Variants in APOC1 observed in about 807,000 individuals in gnomAD.
APOC1 encodes apolipoprotein C1, also known as apolipoprotein C-I.
A neutral mutation model predicts 6.7 loss-of-function variants in APOC1; 4 were observed. That is an observed-to-expected ratio of 0.60 (90% CI 0.29 to 1.37). The LOEUF is 1.37. Among genes scored for constraint, APOC1 ranks in the 40% most tolerant of loss-of-function variants. The pLI, the probability that APOC1 is intolerant of heterozygous loss-of-function variation, is 0.09. For synonymous variants in APOC1, 33 were observed against 40.6 expected (o/e 0.81, Z 0.72); for missense variants, 122 against 99.4 (o/e 1.23, Z -0.97).
chr19:44,915,173 A>C (rs1177149126), intron 2 of APOC1: 1 of 587,086 alleles, frequency 1.7e-6, no homozygotes, highest in East Asian at 2.9e-5. Context: ...ATTGAGGCCC[A>C]CACCTCTGGG....
Position 44,919,310 on chromosome 19 carries a change from T to G in APOC1, c.*80T>G. ...GCCTGTGCTGAGGACTCCCTCCATG[T>G]GGCCCCAGGTGCCACCAATAAAAAT... On this transcript the variant is annotated 3_prime_UTR_variant, in exon 4 of 4. Transcript: ENST00000592535. 2 of 1,225,166 alleles carry G rather than the reference T, an allele frequency of 1.6e-6. No homozygotes were observed. Among genetic ancestry groups the G allele is most frequent in the Non-Finnish European group, 2.4e-6 (2 of 838,438 alleles). The allele number at this position is 1,225,166 out of a possible 1,614,324, so 75.9% of individuals were successfully genotyped here. A position where few individuals can be genotyped will look rare whatever the true frequency, so the allele number is the denominator to read the frequency against.
intron 1 of APOC1, 63 bp downstream of exon 1, chr19:44,914,796 A>G: frequency 7.8e-7 from 1 of 1,274,352 alleles, no homozygotes. Flanking sequence ...AAAAAGGGAG[A>G]TGAGGGGATC....
chr19:44,914,604 A>C (rs1354483454), upstream of APOC1: 1 of 443,202 alleles, frequency 2.3e-6, no homozygotes, highest in Non-Finnish European at 4.1e-6. Context: ...GGACAGAGGG[A>C]GGCAGGCGGT....
chr19:44,916,069 G>T (rs576179024), intron 2 of APOC1, 121 bp from the exon 3 acceptor site: 34 of 1,165,346 alleles, frequency 2.9e-5, no homozygotes, highest in Non-Finnish European at 3.9e-5. Context: ...CCCGGGAGGT[G>T]GTGGTTGCAG....
At chr19:44,919,104 G>A (rs1970057522) in intron 3 of APOC1, 69 bp from the exon 4 acceptor site, 8 of 1,312,822 alleles carry the variant, frequency 6.1e-6, no homozygotes, top group Non-Finnish European at 8.8e-6. Flanking sequence ...GAGTCAGGTA[G>A]CAGGCAGAAT....
chr19:44,919,227 A>T lies in APOC1; in HGVS notation c.249A>T (p.Ser83=). 3 of 1,613,118 alleles carry T rather than the reference A, an allele frequency of 1.9e-6. No individual in the cohort carries two copies. Among genetic ancestry groups the T allele is most frequent in the Non-Finnish European group, 2.5e-6 (3 of 1,179,220 alleles). Residue 83 remains serine, a synonymous_variant, in exon 4 of 4, where the codon TCA becomes TCT. Coordinates refer to ENST00000592535, the MANE Select transcript of APOC1 (RefSeq NM_001645.5). The part of the protein sequence containing the change: ...QKVKEKLKID[S] ...TGAAGGAGAAACTCAAGATTGACTC[A>T]TGAGGACCTGAAGGGTGACATCCCA...
In APOC1 at chr19:44,919,193, T is replaced by C. The variant is rs1970059317; in HGVS notation, c.215T>C (p.Phe72Ser). 2 of 1,613,732 alleles carry C rather than the reference T, an allele frequency of 1.2e-6. No homozygotes were observed. Among genetic ancestry groups the C allele is most frequent in the Admixed American group, 3.3e-5 (2 of 59,974 alleles). The change falls in exon 4 of 4, where the codon TTT becomes TCT. Residue 72 changes from phenylalanine to serine, a missense_variant. Transcript: ENST00000592535. ...AKMREWFSET[F>S]QKVKEKLKID... ...CACAGGGAGTGGTTTTCAGAGACATTTCAGAAAGTGAAGGAGAAACTCAAG... is the reference window on the plus strand; with the variant it reads ...CACAGGGAGTGGTTTTCAGAGACATCTCAGAAAGTGAAGGAGAAACTCAAG...
chr19:44,915,644 C>T (rs747435598), intron 2 of APOC1, among the ~76,000 whole-genome samples: 1 of 151,400 alleles, frequency 6.6e-6, no homozygotes, highest in Non-Finnish European at 1.5e-5. Context: ...CTCTATCCAT[C>T]CCGGTATCCC....
intron 3 of APOC1, among the ~76,000 whole-genome samples, chr19:44,917,319 G>A (rs1050931739): frequency 4.0e-5 from 6 of 151,528 alleles, no homozygotes; most frequent in East Asian, 4.0e-4. Flanking sequence ...AGAACGTGCC[G>A]AGCACGGTGG....
rs1242654325 is a variant in APOC1 at position 44,919,184 on chromosome 19, C to T, written c.206C>T (p.Ser69Leu). ...ELSAKMREWF[S>L]ETFQKVKEKL... ...ATTCCTCCCCACAGGGAGTGGTTTTCAGAGACATTTCAGAAAGTGAAGGAG... is the reference window on the plus strand; with the variant it reads ...ATTCCTCCCCACAGGGAGTGGTTTTTAGAGACATTTCAGAAAGTGAAGGAG... The change falls in exon 4 of 4, where the codon TCA becomes TTA. Residue 69 changes from serine (S) to leucine (L), a missense_variant. Coordinates refer to ENST00000592535, the MANE Select transcript of APOC1 (RefSeq NM_001645.5). 4 of 1,613,718 alleles carry T rather than the reference C, an allele frequency of 2.5e-6. No homozygotes were observed. The African/African-American group carries it at 4.0e-5, about 16-fold the overall frequency.
At chr19:44,914,593 T>C, upstream of APOC1, 4 of 418,730 alleles carry the variant, frequency 9.6e-6, no homozygotes, top group Non-Finnish European at 1.3e-5. Flanking sequence ...AAAACGTGGG[T>C]GGACAGAGGG....
At chr19:44,915,055 T>G in intron 2 of APOC1, 106 bp downstream of exon 2, 3 of 1,283,250 alleles carry the variant, frequency 2.3e-6, no homozygotes, top group Non-Finnish European at 3.3e-6. Context: ...CCGGGGCCCC[T>G]TCTGGGTCGT....
intron 3 of APOC1, 83 bp downstream of exon 3, chr19:44,916,408 G>C (rs748701038): frequency 1.3e-6 from 2 of 1,510,812 alleles, no homozygotes; most frequent in Non-Finnish European, 1.8e-6. Flanking sequence ...TGAACAGATT[G>C]AAAAAAAAAC....
rs1349823339 is a variant in APOC1, at chr19:44,919,337, C to G, written c.*107C>G. 8.7e-6 allele frequency: 9 copies of G among 1,032,070 alleles called. No homozygotes were observed. The highest frequency in any genetic ancestry group is 1.3e-5 in the Non-Finnish European group (9 of 671,248). 63.9% of individuals were successfully genotyped at this position (1,032,070 alleles called of 1,614,324 possible). On this transcript the variant is annotated 3_prime_UTR_variant, in exon 4 of 4. Coordinates refer to ENST00000592535, the MANE Select transcript of APOC1 (RefSeq NM_001645.5). ...GCCCCAGGTGCCACCAATAAAAATC[C>G]TACAGAAAATTCTCTCCTGAGTGCT...
chr19:44,915,894 G>A (rs1599959789), intron 2 of APOC1, among the ~76,000 whole-genome samples: 2 of 151,954 alleles, frequency 1.3e-5, no homozygotes, highest in South Asian at 2.1e-4. Context: ...ACTTGAACCC[G>A]GGAGGCGGAG....
At chr19:44,917,702 G>A (rs572133078) in intron 3 of APOC1, among the ~76,000 whole-genome samples, 2 of 151,678 alleles carry the variant, frequency 1.3e-5, no homozygotes, top group Non-Finnish European at 2.9e-5. Flanking sequence ...TTGGAGGCCA[G>A]GCACAATGGC....
At chr19:44,917,239 C>G (rs1202671476) in intron 3 of APOC1, among the ~76,000 whole-genome samples, 1 of 152,170 alleles carries the variant, frequency 6.6e-6, no homozygotes, top group East Asian at 1.9e-4. Context: ...GTCATTCGTT[C>G]TTTCAAAAAT....
intron 3 of APOC1, among the ~76,000 whole-genome samples, chr19:44,917,564 T>G (rs1412712989): frequency 7.1e-6 from 1 of 140,252 alleles, no homozygotes; most frequent in Non-Finnish European, 1.5e-5. Flanking sequence ...GGTAACAGAA[T>G]GAGACCCTGT....
At position 44,916,326 on chromosome 19, in the gene APOC1, G is replaced by GT. The variant is rs1368205465; in HGVS notation, c.194+3dup. The GT allele has an allele frequency of 1.2e-6, 2 of 1,613,448 alleles. No individual in the cohort carries two copies. Among genetic ancestry groups the GT allele is most frequent in the Non-Finnish European group, 1.7e-6 (2 of 1,179,920 alleles). On this transcript the variant is annotated splice_donor_variant, in intron 3 of 3. Transcript: ENST00000592535. LOFTEE classifies it high-confidence loss of function. ...AGAGTGAACTTTCTGCCAAGATGCG[G>GT]TTAGAACCCTTCCCAGGGCACGGGA...
Sources: allele counts gnomAD v4.1 joint callset (sites outside exome capture counted in the v4.1 genomes callset), GRCh38; gene constraint gnomAD v4.1.1; transcripts MANE v1.5; gene names NCBI Gene and HGNC (gene_info 2026-07-23, HGNC 2026-07-21).